The following GPC5 variants were observed in gnomAD, a reference collection of about 807,000 sequenced individuals.
GPC5 encodes glypican 5, also known as glypican-5.
In GPC5, 47 loss-of-function variants were observed where a neutral mutation model predicts 53.9. That is an observed-to-expected ratio of 0.87 (90% CI 0.69 to 1.11). GPC5 has a LOEUF of 1.11. Ranked by LOEUF, GPC5 falls within the 50% of genes most tolerant of loss-of-function variation. The pLI is 0.00. For synonymous variants in GPC5, 286 were observed against 263.3 expected, an observed-to-expected ratio of 1.09 and a Z score of -0.84; for missense variants, 748 against 713.1, an observed-to-expected ratio of 1.05 and a Z score of -0.56.
chr13:92,660,713 T>A (rs557403756), intron 7 of GPC5, among the ~76,000 whole-genome samples: 13 of 152,144 alleles, frequency 8.5e-5, no homozygotes, highest in Admixed American at 5.2e-4. Flanking sequence ...TTCTATTACT[T>A]TCTTTTCTGA....
At chr13:92,124,437 G>A (rs2041678256) in intron 6 of GPC5, among the ~76,000 whole-genome samples, 1 of 151,882 alleles carries the variant, frequency 6.6e-6, no homozygotes, top group Admixed American at 6.6e-5. Flanking sequence ...CAAGAAAGCA[G>A]AAAATGACAT....
At chr13:91,576,645 C>T (rs2032148011) in intron 2 of GPC5, among the ~76,000 whole-genome samples, 1 of 152,146 alleles carries the variant, frequency 6.6e-6, no homozygotes, top group Non-Finnish European at 1.5e-5. Context: ...GCTGCCCCTC[C>T]TGATGCCAGG....
At chr13:92,233,815 C>T (rs951468153) in intron 7 of GPC5, among the ~76,000 whole-genome samples, 2 of 152,058 alleles carry the variant, frequency 1.3e-5, no homozygotes, top group African/African-American at 4.8e-5. Flanking sequence ...CCACTCCCCC[C>T]ACCCCACAAC....
intron 7 of GPC5, among the ~76,000 whole-genome samples, chr13:92,354,925 G>C (rs2043509614): frequency 6.6e-6 from 1 of 152,028 alleles, no homozygotes; most frequent in Non-Finnish European, 1.5e-5. Flanking sequence ...AGATGGAATT[G>C]AGTTACCTCC....
chr13:92,118,298 T>C (rs1390896751), intron 6 of GPC5, among the ~76,000 whole-genome samples: 4 of 152,264 alleles, frequency 2.6e-5, no homozygotes, highest in South Asian at 4.1e-4. Flanking sequence ...ATTCGTGGTA[T>C]AAATCACTTG....
intron 7 of GPC5, among the ~76,000 whole-genome samples, chr13:92,319,191 G>C (rs975421485): frequency 1.3e-5 from 2 of 152,074 alleles, no homozygotes; most frequent in Non-Finnish European, 2.9e-5. Flanking sequence ...AATATCTGTT[G>C]TATTTCTAAC....
chr13:92,362,863 A>C (rs1321767029), intron 7 of GPC5, among the ~76,000 whole-genome samples: 1 of 151,806 alleles, frequency 6.6e-6, no homozygotes, highest in Non-Finnish European at 1.5e-5. Context: ...AGGTTATTTA[A>C]CATATGGCTT....
intron 7 of GPC5, among the ~76,000 whole-genome samples, chr13:92,502,092 T>C (rs1880205749): frequency 6.6e-6 from 1 of 152,084 alleles, no homozygotes; most frequent in Admixed American, 6.6e-5. Context: ...TATATAGTAA[T>C]GAGATTTATA....
At chr13:92,700,894 A>ATCTAG (rs1887714816) in intron 7 of GPC5, among the ~76,000 whole-genome samples, 1 of 152,082 alleles carries the variant, frequency 6.6e-6, no homozygotes, top group African/African-American at 2.4e-5. Context: ...TGTCTTTGGC[A>ATCTAG]TCTAGTCTAC....
intron 3 of GPC5, among the ~76,000 whole-genome samples, chr13:91,727,244 A>G (rs1485812339): frequency 6.6e-6 from 1 of 152,196 alleles, no homozygotes; most frequent in Non-Finnish European, 1.5e-5. Context: ...AAACCTCAAC[A>G]TATCCAGGCT....
At chr13:92,854,719 C>G (rs189136783) in intron 7 of GPC5, among the ~76,000 whole-genome samples, 1 of 152,062 alleles carries the variant, frequency 6.6e-6, no homozygotes, top group East Asian at 1.9e-4. Context: ...GATGAGAAAT[C>G]TAAAAGTTTA....
chr13:91,777,042 T>C (rs1290340320), intron 5 of GPC5, among the ~76,000 whole-genome samples: 1 of 152,236 alleles, frequency 6.6e-6, no homozygotes, highest in African/African-American at 2.4e-5. Context: ...CTAACGACTG[T>C]GCATAATTTA....
chr13:91,848,109 C>A (rs1208775643), intron 5 of GPC5, among the ~76,000 whole-genome samples: 1 of 152,206 alleles, frequency 6.6e-6, no homozygotes, highest in Non-Finnish European at 1.5e-5. Context: ...CTAAACTTTT[C>A]ACATAAAAAT....
chr13:92,265,780 G>C (rs2042798595), intron 7 of GPC5, among the ~76,000 whole-genome samples: 1 of 152,116 alleles, frequency 6.6e-6, no homozygotes, highest in South Asian at 2.1e-4. Context: ...ATTTGTCTTA[G>C]TCCATTTTGT....
chr13:91,976,207 CA>C (rs2040300095), intron 6 of GPC5, among the ~76,000 whole-genome samples: 1 of 152,048 alleles, frequency 6.6e-6, no homozygotes, highest in Admixed American at 6.6e-5. Flanking sequence ...ACCAACATGG[CA>C]ACATGTATAC....
chr13:92,700,484 T>A (rs916854046), intron 7 of GPC5, among the ~76,000 whole-genome samples: 1 of 152,130 alleles, frequency 6.6e-6, no homozygotes, highest in African/African-American at 2.4e-5. Flanking sequence ...CCTGCCATTA[T>A]GAAGCCTAGC....
chr13:91,693,069 A>G, intron 2 of GPC5, 118 bp from the exon 3 acceptor site: 1 of 748,260 alleles, frequency 1.3e-6, no homozygotes. Flanking sequence ...GAGTAGGCTG[A>G]GAGTTACAAT....
intron 7 of GPC5, among the ~76,000 whole-genome samples, chr13:92,861,243 C>CA (rs1297518980): frequency 6.6e-6 from 1 of 152,120 alleles, no homozygotes; most frequent in Admixed American, 6.6e-5. Context: ...CACAGATTAA[C>CA]ATTTTTGAAT....
chr13:92,290,800 C>T (rs2042988673), intron 7 of GPC5, among the ~76,000 whole-genome samples: 1 of 152,196 alleles, frequency 6.6e-6, no homozygotes, highest in Admixed American at 6.5e-5. Context: ...CTTGAGGAGC[C>T]CTTCAGCCCG....
Sources: gnomAD v4.1 joint callset for allele counts (sites outside exome capture counted in the v4.1 genomes callset) on GRCh38, gnomAD v4.1.1 for gene constraint, MANE v1.5 for transcripts, NCBI Gene and HGNC (gene_info 2026-07-23, HGNC 2026-07-21) for gene names.